The following CELF2 variants were observed in gnomAD, a reference collection of about 807,000 sequenced individuals.
The protein encoded by CELF2 is CUG triplet repeat RNA-binding protein 2.
A neutral mutation model predicts 62.6 loss-of-function variants in CELF2; 8 were observed. The ratio of observed to expected loss-of-function variants is 0.13; its 90% CI spans 0.07 to 0.23. The LOEUF (loss-of-function observed/expected upper bound fraction) is 0.23, where lower values mean the gene tolerates loss of function less well. CELF2 is among the 10% of genes least tolerant of loss of function. CELF2 has a pLI of 1.00. For synonymous variants in CELF2, 258 were observed against 250.0 expected (o/e 1.03, Z -0.30); for missense variants, 333 against 671.0 (o/e 0.50, Z 5.56).
chr10:10,777,771 C>A, the CELF2 span, among the ~76,000 whole-genome samples: 4 of 152,148 alleles, frequency 2.6e-5, no homozygotes, highest in Admixed American at 2.0e-4. Flanking sequence ...AAATCCCAAA[C>A]CTGACTCCAT....
chr10:11,251,401 A>G (rs574263051), intron 4 of CELF2, among the ~76,000 whole-genome samples: 10 of 147,228 alleles, frequency 6.8e-5, no homozygotes, highest in Non-Finnish European at 1.3e-4. Context: ...TCCAGTGTCC[A>G]CTGTGGTCCC....
intron 1 of CELF2, among the ~76,000 whole-genome samples, chr10:11,109,813 T>C (rs1390655688): frequency 6.6e-6 from 1 of 152,230 alleles, no homozygotes; most frequent in African/African-American, 2.4e-5. Context: ...ACATGGTTTA[T>C]GTTTTCCCTT....
the CELF2 span, among the ~76,000 whole-genome samples, chr10:10,627,655 G>A: frequency 3.3e-5 from 5 of 152,186 alleles, no homozygotes; most frequent in African/African-American, 4.8e-5. Flanking sequence ...TGCACAACAT[G>A]AGGAGGGAAA....
rs556243806 is a variant in CELF2 at position 11,034,713 on chromosome 10, G to T, written c.74+16550G>T. Among the ~76,000 whole-genome samples the T allele has an allele frequency of 4.6e-5, 7 of 152,260 alleles. No homozygotes were observed. The East Asian group carries it at 1.3e-3, about 29-fold the overall frequency. On this transcript the variant is annotated intron_variant, in intron 1 of 12. Transcript: ENST00000633077. ...TGGTGGTGGTGCACTGCTCCATTAG[G>T]TCAGGTTGAATCTGGTATGATCCAT...
the CELF2 span, among the ~76,000 whole-genome samples, chr10:10,493,345 G>A: frequency 6.6e-6 from 1 of 152,068 alleles, no homozygotes; most frequent in African/African-American, 2.4e-5. Flanking sequence ...AAAAAGTTCT[G>A]GAGATGCATG....
chr10:11,235,388 C>T (rs532178443), intron 3 of CELF2, among the ~76,000 whole-genome samples: 21 of 152,244 alleles, frequency 1.4e-4, no homozygotes, highest in Middle Eastern at 3.4e-3. Flanking sequence ...CAGTTACGTG[C>T]GGTATATCTG....
the CELF2 span, among the ~76,000 whole-genome samples, chr10:10,504,195 C>T: frequency 7.5e-4 from 114 of 152,106 alleles, 8 homozygotes; most frequent in Non-Finnish European, 7.4e-5. Flanking sequence ...TGTCCTGATG[C>T]TTATTCTTTC....
At chr10:10,675,958 C>T in the CELF2 span, among the ~76,000 whole-genome samples, 1 of 152,110 alleles carries the variant, frequency 6.6e-6, no homozygotes, top group Non-Finnish European at 1.5e-5. Flanking sequence ...ATGTTTGGTT[C>T]TAATGCTTGC....
At chr10:10,677,812 G>A in the CELF2 span, among the ~76,000 whole-genome samples, 1 of 152,164 alleles carries the variant, frequency 6.6e-6, no homozygotes, top group African/African-American at 2.4e-5. Context: ...TTGCCACAGG[G>A]TCAATTTGAT....
chr10:10,652,653 T>C, the CELF2 span, among the ~76,000 whole-genome samples: 1 of 151,640 alleles, frequency 6.6e-6, no homozygotes, highest in African/African-American at 2.4e-5. Flanking sequence ...AATAAAATAC[T>C]TCACAGACAA....
the CELF2 span, among the ~76,000 whole-genome samples, chr10:10,472,344 T>C: frequency 0.23 from 34,459 of 151,718 alleles, 4,409 homozygotes; most frequent in African/African-American, 0.35. Flanking sequence ...TACTCATACT[T>C]TACTCTGCCA....
At chr10:11,002,129 A>G (rs539336066), upstream of CELF2, among the ~76,000 whole-genome samples, 103 of 152,336 alleles carry the variant, frequency 6.8e-4, 1 homozygote, top group South Asian at 3.9e-3. This position sits in a 1 kb window ranked among gnomAD's most constrained non-coding sequence, Gnocchi z 4.4. Context: ...GACAGGCCTC[A>G]CAATCATGGC....
the CELF2 span, among the ~76,000 whole-genome samples, chr10:10,655,583 T>G: frequency 1.0e-5 from 1 of 97,624 alleles, no homozygotes; most frequent in Non-Finnish European, 2.2e-5. Context: ...CTACAACTAA[T>G]TGATCTTTGA....
chr10:10,956,629 C>T (rs564846736), intron 2 of CELF2, among the ~76,000 whole-genome samples: 4 of 152,056 alleles, frequency 2.6e-5, no homozygotes, highest in Admixed American at 1.3e-4. Flanking sequence ...CAAAGGGACC[C>T]GCAAAAGTGG....
chr10:10,885,647 G>A (rs1160343314), intron 1 of CELF2, among the ~76,000 whole-genome samples: 1 of 152,040 alleles, frequency 6.6e-6, no homozygotes, highest in Non-Finnish European at 1.5e-5. Flanking sequence ...GTAACCAATT[G>A]CTGCAAATGT....
intron 2 of CELF2, among the ~76,000 whole-genome samples, chr10:11,180,848 GGAAT>G (rs1385267980): frequency 4.0e-5 from 6 of 151,034 alleles, no homozygotes; most frequent in Admixed American, 1.3e-4. Context: ...GTGGCAGCAT[GGAAT>G]GAATGAATGA....
chr10:10,832,835 T>TAA (rs1390709510), intron 1 of CELF2, among the ~76,000 whole-genome samples: 40 of 152,110 alleles, frequency 2.6e-4, no homozygotes, highest in African/African-American at 9.4e-4. Flanking sequence ...GGAGAGAAGA[T>TAA]AAAATGCAAA....
chr10:10,732,631 C>T, the CELF2 span, among the ~76,000 whole-genome samples: 1 of 150,418 alleles, frequency 6.6e-6, no homozygotes, highest in Non-Finnish European at 1.5e-5. Context: ...TCAAGCGCTT[C>T]TCCTGCCTCA....
rs979308269 is a variant in CELF2 at position 11,200,656 on chromosome 10, G to A, written c.272-16769G>A. Among the ~76,000 whole-genome samples the A allele has an allele frequency of 4.6e-5, 7 of 152,288 alleles. No homozygotes were observed. The South Asian group carries it at 1.5e-3, about 32-fold the overall frequency. On this transcript the variant is annotated intron_variant, in intron 2 of 12. Coordinates refer to ENST00000633077, the MANE Select transcript of CELF2 (RefSeq NM_001326342.2). ...ACAGATCTCTGCAAGACATTTCCAG[G>A]TCAGACTTCTGTGCCCCTCTGCATA... is the stretch of plus-strand genomic sequence containing the variant.
Sources: allele counts gnomAD v4.1 joint callset (sites outside exome capture counted in the v4.1 genomes callset), GRCh38; gene constraint gnomAD v4.1.1; non-coding constraint Gnocchi (gnomAD v3.1); transcripts MANE v1.5; gene names NCBI Gene and HGNC (gene_info 2026-07-23, HGNC 2026-07-21).